The following REPS1 variants were observed in gnomAD, a reference collection of about 807,000 sequenced individuals.
REPS1 encodes RALBP1 associated Eps domain containing 1, also known as ralBP1-associated Eps domain-containing protein 1.
A neutral mutation model predicts 100.9 loss-of-function variants in REPS1; 39 were observed. The observed-to-expected ratio is 0.39, with a 90% CI of 0.30 to 0.50. The LOEUF is 0.50. REPS1 is among the 20% of genes least tolerant of loss of function. The pLI is 0.86. For missense variants in REPS1, 821 were observed against 968.5 expected (o/e 0.85, Z 2.02); for synonymous variants, 324 against 340.3 (o/e 0.95, Z 0.53).
rs1413641493 is a variant in REPS1, at chr6:138,912,811, T to C, written c.1925A>G (p.Asn642Ser). 1.2e-6 allele frequency: 2 copies of C among 1,614,144 alleles called. No individual in the cohort carries two copies. The highest frequency in any genetic ancestry group is 1.7e-6 in the Non-Finnish European group (2 of 1,180,020). The change falls in exon 16 of 20, where the codon AAC becomes AGC. Residue 642 changes from asparagine to serine, a missense_variant. Physicochemically the swap from Asn to Ser is conservative, Grantham distance 46. Around this residue, in one of 3 missense-constraint regions of REPS1, gnomAD observed 757 missense variants for 866.4 expected, o/e 0.87. Coordinates refer to ENST00000450536, the MANE Select transcript of REPS1 (RefSeq NM_001286611.2). Reference protein sequence around the residue: ...QFEVFAASNVNDEQDDEAEKH... With the variant: ...QFEVFAASNVSDEQDDEAEKH... ...CTCGGCTTCATCATCTTGTTCGTCG[T>C]TTACATTTGATGCAGCAAATACTTC...
intron 13 of REPS1, among the ~76,000 whole-genome samples, chr6:138,916,544 A>G (rs1195220411): frequency 6.6e-6 from 1 of 152,176 alleles, no homozygotes; most frequent in Non-Finnish European, 1.5e-5. Flanking sequence ...AGTTGTCAAC[A>G]TGATTTCATA....
At chr6:138,966,765 T>C (rs975357309) in intron 1 of REPS1, among the ~76,000 whole-genome samples, 4 of 151,842 alleles carry the variant, frequency 2.6e-5, no homozygotes, top group African/African-American at 7.3e-5. Context: ...ATAGGTGTCA[T>C]ATTTCTCAAG....
intron 1 of REPS1, among the ~76,000 whole-genome samples, chr6:138,984,653 T>A (rs963865460): frequency 6.6e-6 from 1 of 152,122 alleles, no homozygotes; most frequent in Admixed American, 6.6e-5. Context: ...ACTGGCCCAG[T>A]TTCTCACTTC....
chr6:138,984,160 A>ACCT (rs957364208), intron 1 of REPS1, among the ~76,000 whole-genome samples: 5 of 148,670 alleles, frequency 3.4e-5, no homozygotes, highest in Non-Finnish European at 7.4e-5. Flanking sequence ...GCTCACTGCA[A>ACCT]CCTCCTCCTC....
At chr6:138,947,561 TATAGTC>T (rs1782721346) in intron 2 of REPS1, among the ~76,000 whole-genome samples, 2 of 152,316 alleles carry the variant, frequency 1.3e-5, no homozygotes, top group African/African-American at 4.8e-5. Flanking sequence ...GAACAGTACA[TATAGTC>T]AAATACAGAT....
intron 1 of REPS1, among the ~76,000 whole-genome samples, chr6:138,969,776 T>G (rs917907132): frequency 6.6e-6 from 1 of 151,882 alleles, no homozygotes; most frequent in African/African-American, 2.4e-5. Context: ...AATAGCTTGA[T>G]GTCTGGTCCA....
chr6:138,945,541 C>T lies in REPS1; in HGVS notation c.434G>A (p.Ser145Asn), dbSNP rs1782556052. Reference sequence around the variant, plus strand: ...TGTACGAGGCTGAACCGTATCATGGCTTACGGATCCCTTTTTCACTTGCCC... The same window carrying T: ...TGTACGAGGCTGAACCGTATCATGGTTTACGGATCCCTTTTTCACTTGCCC... ...GRGQVKKGSV[S>N]HDTVQPRTSA... The change falls in exon 3 of 20, where the codon AGC becomes AAC. Residue 145 changes from serine (S) to asparagine (N), a missense_variant. Ser to Asn is a conservative substitution (Grantham distance 46). Around this residue, in one of 3 missense-constraint regions of REPS1, gnomAD observed 757 missense variants for 866.4 expected, o/e 0.87. Transcript: ENST00000450536. 1.9e-6 allele frequency: 3 copies of T among 1,611,036 alleles called. No individual in the cohort carries two copies. Among genetic ancestry groups the T allele is most frequent in the African/African-American group, 1.3e-5 (1 of 74,660 alleles).
intron 1 of REPS1, among the ~76,000 whole-genome samples, chr6:138,972,541 C>T (rs1217484175): frequency 6.6e-6 from 1 of 152,088 alleles, no homozygotes. Flanking sequence ...AAATGAGAAA[C>T]TCCACTGACC....
At chr6:138,934,513 T>C (rs1781680718) in intron 8 of REPS1, among the ~76,000 whole-genome samples, 1 of 152,226 alleles carries the variant, frequency 6.6e-6, no homozygotes, top group African/African-American at 2.4e-5. Context: ...CACCTATCTA[T>C]CCTTTCAAAG....
intron 1 of REPS1, among the ~76,000 whole-genome samples, chr6:138,949,724 T>G (rs1184673596): frequency 3.7e-5 from 2 of 53,372 alleles, no homozygotes; most frequent in Non-Finnish European, 8.3e-5. Flanking sequence ...AAACTCCATC[T>G]CATAAAAAAA....
intron 1 of REPS1, among the ~76,000 whole-genome samples, chr6:138,951,903 G>A (rs7771582): frequency 0.088 from 13,390 of 152,000 alleles, 1,234 homozygotes; most frequent in African/African-American, 0.23. Flanking sequence ...AATCTTAATT[G>A]TGCATATTTG....
intron 9 of REPS1, chr6:138,927,220 T>A (rs1357841703): frequency 6.6e-6 from 1 of 151,906 alleles, no homozygotes; most frequent in Non-Finnish European, 1.5e-5. Flanking sequence ...TGAGAGCAAA[T>A]CAAGCATCTG....
intron 1 of REPS1, among the ~76,000 whole-genome samples, chr6:138,975,863 T>C: frequency 6.6e-6 from 1 of 152,016 alleles, no homozygotes; most frequent in East Asian, 1.9e-4. Context: ...TCAGAAATGG[T>C]ATTAGCTTCA....
At chr6:138,974,333 T>G (rs1396581435) in intron 1 of REPS1, among the ~76,000 whole-genome samples, 1 of 152,130 alleles carries the variant, frequency 6.6e-6, no homozygotes, top group Non-Finnish European at 1.5e-5. Context: ...ATGGCACGCT[T>G]ATTACAAGGA....
intron 1 of REPS1, among the ~76,000 whole-genome samples, chr6:138,963,020 T>C (rs1562558001): frequency 6.6e-6 from 1 of 152,192 alleles, no homozygotes; most frequent in African/African-American, 2.4e-5. Context: ...CTCCATAATG[T>C]ATAACCCCAA....
At chr6:138,978,278 GTTTC>G (rs1731149716) in intron 1 of REPS1, among the ~76,000 whole-genome samples, 1 of 148,646 alleles carries the variant, frequency 6.7e-6, no homozygotes, top group Non-Finnish European at 1.5e-5. Flanking sequence ...CCAATTATTT[GTTTC>G]TTTTCCTTTT....
At chr6:138,944,909 T>C (rs1300717447) in intron 4 of REPS1, among the ~76,000 whole-genome samples, 1 of 152,218 alleles carries the variant, frequency 6.6e-6, no homozygotes, top group Non-Finnish European at 1.5e-5. Context: ...TACACATAAA[T>C]GCAATTACCA....
At chr6:138,913,149 A>G (rs1228475006) in intron 15 of REPS1, among the ~76,000 whole-genome samples, 199 bp from the exon 16 acceptor site, 1 of 152,228 alleles carries the variant, frequency 6.6e-6, no homozygotes, top group East Asian at 1.9e-4. Context: ...CACTAAAAAA[A>G]AAATTAAGAT....
rs1418890203 is a variant in REPS1 at position 138,912,930 on chromosome 6, A to G, written c.1806T>C (p.His602=). ...QPSQAPGPAV[H]RPVDADGLIT... is the part of the protein sequence containing the mutation. The stretch of plus-strand genomic sequence containing the variant: ...TGAGGCCATCGGCATCCACTGGGCG[A>G]TGCACAGCAGGACCAGGAGCCTGTG... The change falls in exon 16 of 20, where the codon CAT becomes CAC. Residue 602 remains histidine, a synonymous_variant. Coordinates refer to ENST00000450536, the MANE Select transcript of REPS1 (RefSeq NM_001286611.2). The G allele has an allele frequency of 2.5e-6, 4 of 1,613,804 alleles. No individual in the cohort carries two copies. The highest frequency in any genetic ancestry group is 2.7e-5 in the African/African-American group (2 of 74,906).
Sources: gnomAD v4.1 joint callset for allele counts (sites outside exome capture counted in the v4.1 genomes callset) on GRCh38, gnomAD v4.1.1 for gene constraint, gnomAD v4.1.1 regional missense constraint, MANE v1.5 for transcripts, NCBI Gene and HGNC (gene_info 2026-07-23, HGNC 2026-07-21) for gene names.